Variants in MAML1 observed in about 807,000 individuals in gnomAD.
The protein encoded by MAML1 is mastermind like transcriptional coactivator 1.
A neutral mutation model predicts 77.1 loss-of-function variants in MAML1; 14 were observed. That is an observed-to-expected ratio of 0.18 (90% confidence interval 0.12 to 0.28). The LOEUF (loss-of-function observed/expected upper bound fraction) is 0.28, where lower values mean the gene tolerates loss of function less well. Among genes scored for constraint, MAML1 ranks in the 10% least tolerant of loss-of-function variants. MAML1 has a pLI of 1.00. For missense variants in MAML1, 1,217 were observed against 1,327.8 expected, an observed-to-expected ratio of 0.92 and a Z score of 1.30; for synonymous variants, 516 against 551.9, an observed-to-expected ratio of 0.93 and a Z score of 0.91.
chr5:179,758,455 C>T (rs572790387), intron 1 of MAML1, among the ~76,000 whole-genome samples: 33 of 149,960 alleles, frequency 2.2e-4, no homozygotes, highest in Admixed American at 1.4e-3. Flanking sequence ...TGCAGTGGCA[C>T]GATCATGGCT....
chr5:179,762,373 G>A (rs368169720), intron 1 of MAML1, among the ~76,000 whole-genome samples: 1 of 152,086 alleles, frequency 6.6e-6, no homozygotes, highest in Admixed American at 6.6e-5. Context: ...GGCAGGTGGC[G>A]CCTGGAGAGT....
intron 1 of MAML1, among the ~76,000 whole-genome samples, chr5:179,734,976 G>A (rs1290692331): frequency 1.3e-5 from 2 of 152,004 alleles, no homozygotes; most frequent in Non-Finnish European, 2.9e-5. Context: ...GCACCGTGCC[G>A]CCCCCAGGAT....
Position 179,768,957 on chromosome 5 carries a change from C to T in MAML1, c.1839C>T (p.Ser613=), listed in dbSNP as rs1284091007. The stretch of plus-strand genomic sequence containing the variant: ...CCCACAACAGCTCCCCCTATCTCAG[C>T]AGCCAGCAACAGGCCGCTGTAATGA... ...ASSHNSSPYL[S]SQQQAAVMKQ... is the part of the protein sequence containing the mutation. Residue 613 remains serine, a synonymous_variant, in exon 3 of 5, where the codon AGC becomes AGT. Coordinates refer to ENST00000292599, the MANE Select transcript of MAML1 (RefSeq NM_014757.5). 1 of 1,614,216 alleles carries T rather than the reference C, an allele frequency of 6.2e-7. No individual in the cohort carries two copies. The highest frequency in any genetic ancestry group is 8.5e-7 in the Non-Finnish European group (1 of 1,180,048).
chr5:179,766,859 T>G lies in MAML1; in HGVS notation c.1731+118T>G. The stretch of plus-strand genomic sequence containing the variant: ...GTGGGAAGAGGGAGGAGGGAATAGC[T>G]GCTGTCATCCTTGCTCCTCTTGGGA... On this transcript the variant is annotated intron_variant, in intron 2 of 4. Transcript: ENST00000292599. This position sits in a 1 kb window ranked among gnomAD's most constrained non-coding sequence, Gnocchi z 4.0. 1 of 764,502 alleles carries G rather than the reference T, an allele frequency of 1.3e-6. No homozygotes were observed. Among genetic ancestry groups the G allele is most frequent in the South Asian group, 2.5e-5 (1 of 39,472 alleles). 47.4% of individuals were successfully genotyped at this position (764,502 alleles called of 1,614,324 possible). A position where few individuals can be genotyped will look rare whatever the true frequency, so the allele number is the denominator to read the frequency against.
intron 1 of MAML1, among the ~76,000 whole-genome samples, chr5:179,752,350 A>AAAAAAAAAAT (rs1554150144): frequency 1.8e-4 from 12 of 66,710 alleles, no homozygotes; most frequent in African/African-American, 7.4e-4. Context: ...AAAAAAAAAA[A>AAAAAAAAAAT]ATATATATAT....
At chr5:179,735,164 T>TA in intron 1 of MAML1, among the ~76,000 whole-genome samples, 1 of 152,004 alleles carries the variant, frequency 6.6e-6, no homozygotes, top group East Asian at 1.9e-4. Flanking sequence ...CCCTAAAACT[T>TA]AAAGTATGAT....
At chr5:179,745,717 A>C (rs897932311) in intron 1 of MAML1, among the ~76,000 whole-genome samples, 2 of 151,626 alleles carry the variant, frequency 1.3e-5, no homozygotes, top group African/African-American at 4.8e-5. Flanking sequence ...AAAATTAGCC[A>C]GGCGTGGTGG....
At chr5:179,756,651 A>G (rs796705937) in intron 1 of MAML1, among the ~76,000 whole-genome samples, 6 of 152,278 alleles carry the variant, frequency 3.9e-5, no homozygotes, top group African/African-American at 1.4e-4. Context: ...TGGTGCAGAT[A>G]TGTGTTTTAT....
rs1235378803 is a variant in MAML1 at position 179,765,495 on chromosome 5, G to T, written c.485G>T (p.Gly162Val). 1 of 1,614,134 alleles carries T rather than the reference G, an allele frequency of 6.2e-7. No individual in the cohort carries two copies. The highest frequency in any genetic ancestry group is 8.5e-7 in the Non-Finnish European group (1 of 1,180,032). ...SNGLPPASPLGQSDKPSGADA... is the reference protein window; with the variant it reads ...SNGLPPASPLVQSDKPSGADA... Reference sequence around the variant, plus strand: ...GGACTGCCTCCAGCCTCCCCCCTCGGTCAGTCTGACAAGCCTTCTGGAGCC... The same window carrying T: ...GGACTGCCTCCAGCCTCCCCCCTCGTTCAGTCTGACAAGCCTTCTGGAGCC... Residue 162 changes from glycine to valine, a missense_variant, in exon 2 of 5, where the codon GGT (glycine) becomes GTT (valine). Transcript: ENST00000292599.
At chr5:179,735,906 T>C (rs953106261) in intron 1 of MAML1, among the ~76,000 whole-genome samples, 1 of 150,132 alleles carries the variant, frequency 6.7e-6, no homozygotes, top group African/African-American at 2.5e-5. Flanking sequence ...CAGGCTGGTC[T>C]CGAACCCCTG....
At chr5:179,758,557 ATTAT>A (rs1295910960) in intron 1 of MAML1, among the ~76,000 whole-genome samples, 3 of 151,954 alleles carry the variant, frequency 2.0e-5, no homozygotes, top group East Asian at 1.9e-4. Context: ...TGCCTGGCTA[ATTAT>A]TTATTTTTTT....
In MAML1 at chr5:179,775,020, C is replaced by T; in HGVS notation, c.*143C>T. The T allele has an allele frequency of 6.9e-7, 1 of 1,458,442 alleles. No homozygotes were observed. Among genetic ancestry groups the T allele is most frequent in the South Asian group, 1.5e-5 (1 of 68,792 alleles). 90.3% of individuals were successfully genotyped at this position (1,458,442 alleles called of 1,614,324 possible). On this transcript the variant is annotated 3_prime_UTR_variant, in exon 5 of 5. Transcript: ENST00000292599. ...GCCCAAGCTCCAGGTGAGGCCTGGC[C>T]CTGGGCAGGGTCTGTGGCTGCGCCC...
In MAML1 at chr5:179,777,196, T is replaced by G. The variant is rs1756152627; in HGVS notation, c.*2319T>G. 1 of 974,862 alleles carries G rather than the reference T, an allele frequency of 1.0e-6. No individual in the cohort carries two copies. Among genetic ancestry groups the G allele is most frequent in the Non-Finnish European group, 1.2e-6 (1 of 820,022 alleles). The allele number at this position is 974,862 out of a possible 1,614,324, so 60.4% of individuals were successfully genotyped here. A position where few individuals can be genotyped will look rare whatever the true frequency, so the allele number is the denominator to read the frequency against. ...CCTATTAATCCCCATATTCTTCTAC[T>G]GCCCTTAACTCTGGTATACACCAAA... is the stretch of plus-strand genomic sequence containing the variant. On this transcript the variant is annotated 3_prime_UTR_variant, in exon 5 of 5. Coordinates refer to ENST00000292599, the MANE Select transcript of MAML1 (RefSeq NM_014757.5).
chr5:179,774,279 C>G lies in MAML1; in HGVS notation c.2453C>G (p.Pro818Arg). ...SQQHNKGTLNPGLTKPPVPRV... is the reference protein window; with the variant it reads ...SQQHNKGTLNRGLTKPPVPRV... The stretch of plus-strand genomic sequence containing the variant: ...CAGCACAATAAGGGGACCCTGAACC[C>G]TGGTTTAACAAAGCCACCGGTCCCA... The change falls in exon 5 of 5, where the codon CCT becomes CGT. Residue 818 changes from proline to arginine, a missense_variant. Around this residue, in one of 3 missense-constraint regions of MAML1, gnomAD observed 884 missense variants for 949.3 expected, o/e 0.93. Coordinates refer to ENST00000292599, the MANE Select transcript of MAML1 (RefSeq NM_014757.5). 1 of 1,613,466 alleles carries G rather than the reference C, an allele frequency of 6.2e-7. No homozygotes were observed. Among genetic ancestry groups the G allele is most frequent in the Non-Finnish European group, 8.5e-7 (1 of 1,179,992 alleles).
chr5:179,739,599 G>A (rs1340162705), intron 1 of MAML1, among the ~76,000 whole-genome samples: 1 of 152,208 alleles, frequency 6.6e-6, no homozygotes, highest in African/African-American at 2.4e-5. Flanking sequence ...TAGGAGGATT[G>A]CGTGGGACCG....
intron 4 of MAML1, among the ~76,000 whole-genome samples, chr5:179,773,462 C>T (rs1756047410): frequency 6.6e-6 from 1 of 152,272 alleles, no homozygotes; most frequent in African/African-American, 2.4e-5. Flanking sequence ...TTCCCAGATG[C>T]CAGGGCTTCC....
chr5:179,771,321 GCT>G lies in MAML1; in HGVS notation c.2068+81_2068+82del. ...TGGTTGAATCCCTGCTGTCTGCCCAGCTCTATGCCTTGACTTCATCAGGCTGC... is the reference window on the plus strand; with the variant it reads ...TGGTTGAATCCCTGCTGTCTGCCCAGCTATGCCTTGACTTCATCAGGCTGC... On this transcript the variant is annotated intron_variant, in intron 4 of 4. Transcript: ENST00000292599. The surrounding 1 kb of genome is among the most constrained non-coding windows in gnomAD (Gnocchi z 4.7). 8.0e-7 allele frequency: 1 copy of G among 1,253,574 alleles called. No individual in the cohort carries two copies. The highest frequency in any genetic ancestry group is 1.2e-5 in the South Asian group (1 of 83,056). The allele number at this position is 1,253,574 out of a possible 1,614,324, so 77.7% of individuals were successfully genotyped here.
At chr5:179,741,003 C>G (rs906143437) in intron 1 of MAML1, among the ~76,000 whole-genome samples, 1 of 152,202 alleles carries the variant, frequency 6.6e-6, no homozygotes, top group Non-Finnish European at 1.5e-5. Context: ...GATCTGTCTT[C>G]CAGATTTCAA....
In MAML1 at chr5:179,733,089, C is replaced by T. The variant is rs1779096776; in HGVS notation, c.-24C>T. 5.2e-6 allele frequency: 7 copies of T among 1,335,014 alleles called. No individual in the cohort carries two copies. In the East Asian group the frequency reaches 1.3e-4, roughly 25 times the overall value. The allele number at this position is 1,335,014 out of a possible 1,614,324, so 82.7% of individuals were successfully genotyped here. A position where few individuals can be genotyped will look rare whatever the true frequency, so the allele number is the denominator to read the frequency against. On this transcript the variant is annotated 5_prime_UTR_variant, in exon 1 of 5. Transcript: ENST00000292599. ...CGGCCCCGAGAGGCCCGGCCCCGGG[C>T]CCGGCCCGTGCAGCCCGCGGCCCAT...
Sources: gnomAD v4.1 joint callset for allele counts (sites outside exome capture counted in the v4.1 genomes callset) on GRCh38, gnomAD v4.1.1 for gene constraint, gnomAD v4.1.1 regional missense constraint, Gnocchi (gnomAD v3.1) non-coding constraint, MANE v1.5 for transcripts, NCBI Gene and HGNC (gene_info 2026-07-23, HGNC 2026-07-21) for gene names.